The following SALL4 variants were observed in gnomAD, a reference collection of about 807,000 sequenced individuals.
SALL4 encodes the protein sal-like protein 4.
In SALL4, 4 loss-of-function variants were observed where a neutral mutation model predicts 60.8. That is an observed-to-expected ratio of 0.07 (90% CI 0.03 to 0.15). The LOEUF (loss-of-function observed/expected upper bound fraction) is 0.15, where lower values mean the gene tolerates loss of function less well. Among genes scored for constraint, SALL4 ranks in the 10% least tolerant of loss-of-function variants. SALL4 has a pLI of 1.00. For synonymous variants in SALL4, 580 were observed against 574.9 expected (o/e 1.01, Z -0.13); for missense variants, 1,178 against 1,394.7 (o/e 0.84, Z 2.48).
Position 51,791,253 on chromosome 20 carries a change from G to T in SALL4, c.1230C>A (p.Phe410Leu). 6.2e-7 allele frequency: 1 copy of T among 1,614,128 alleles called. No homozygotes were observed. The highest frequency in any genetic ancestry group is 8.5e-7 in the Non-Finnish European group (1 of 1,180,028). Residue 410 changes from phenylalanine (F) to leucine (L), a missense_variant, in exon 2 of 4, where the codon TTC (phenylalanine) becomes TTA (leucine). Phe to Leu is a conservative substitution (Grantham distance 22). Around this residue, in one of 5 missense-constraint regions of SALL4, gnomAD observed 853 missense variants for 1,036.8 expected, o/e 0.82. Coordinates refer to ENST00000217086, the MANE Select transcript of SALL4 (RefSeq NM_020436.5). The surrounding 1 kb of genome is among the most constrained non-coding windows in gnomAD (Gnocchi z 4.6). ...AGCGATGACCACAGACAGAGCACAC[G>T]AAGGGTCTCTCTCCAGTGTGGGAGC... ...HLRSHTGERP[F>L]VCSVCGHRFT...
chr20:51,792,957 C>G (rs2078058488), intron 1 of SALL4: 1 of 992,756 alleles, frequency 1.0e-6, no homozygotes. Context: ...ACAGGCATAT[C>G]TCAGACCCAG....
intron 1 of SALL4, among the ~76,000 whole-genome samples, chr20:51,799,582 A>G (rs1045991527): frequency 2.6e-5 from 4 of 152,212 alleles, no homozygotes; most frequent in Admixed American, 1.3e-4. Context: ...TTCTCTCCCT[A>G]TGGGAAACCC....
At chr20:51,786,658 T>C (rs1468828473) in intron 3 of SALL4, among the ~76,000 whole-genome samples, 1 of 152,256 alleles carries the variant, frequency 6.6e-6, no homozygotes, top group Admixed American at 6.5e-5. Flanking sequence ...GTCAATATCT[T>C]GATTATGCTA....
chr20:51,783,876 C>T lies in SALL4; in HGVS notation c.*389G>A, dbSNP rs1481219350. On this transcript the variant is annotated 3_prime_UTR_variant, in exon 4 of 4. Coordinates refer to ENST00000217086, the MANE Select transcript of SALL4 (RefSeq NM_020436.5). ...TCTCTACTCAAAATACAAAATTAGCCGGGCGTGGTGGCACCTGCCTGTAAT... is the reference window on the plus strand; with the variant it reads ...TCTCTACTCAAAATACAAAATTAGCTGGGCGTGGTGGCACCTGCCTGTAAT... The T allele has an allele frequency of 2.6e-5, 7 of 264,734 alleles. No individual in the cohort carries two copies. Among genetic ancestry groups the T allele is most frequent in the Admixed American group, 5.1e-5 (1 of 19,784 alleles). 16.4% of individuals were successfully genotyped at this position (264,734 alleles called of 1,614,324 possible).
chr20:51,800,185 G>C (rs1213727172), intron 1 of SALL4, among the ~76,000 whole-genome samples: 3 of 152,084 alleles, frequency 2.0e-5, no homozygotes, highest in East Asian at 1.9e-4. Flanking sequence ...GCAGGCGACC[G>C]GCACGAATCC....
Position 51,788,888 on chromosome 20 carries a change from T to G in SALL4, c.2715A>C (p.Arg905=). ...EKPFVCNICG[R]AFTTKGNLKV... The stretch of plus-strand genomic sequence containing the variant: ...TTAAGTTGCCTTTGGTGGTAAAAGC[T>G]CGCCCACAAATGTTGCACACAAAAG... Residue 905 remains arginine (R), a synonymous_variant, in exon 3 of 4, where the codon CGA becomes CGC. Transcript: ENST00000217086. The surrounding 1 kb of genome is among the most constrained non-coding windows in gnomAD (Gnocchi z 4.1). 1.2e-6 allele frequency: 2 copies of G among 1,614,104 alleles called. No individual in the cohort carries two copies. Among genetic ancestry groups the G allele is most frequent in the Non-Finnish European group, 1.7e-6 (2 of 1,180,026 alleles).
rs1018423 is a variant in SALL4, at chr20:51,788,105, C to T, written c.2742+756G>A. Among the ~76,000 whole-genome samples, 151,794 of 152,218 alleles carry T rather than the reference C, an allele frequency of 1. 75,687 individuals are homozygous for T. The highest frequency in any genetic ancestry group is 1 in the Middle Eastern group (294 of 294). ...TCTCAAAGTACTCAGATTATGGGTG[C>T]TGAGCCACTGCACCCAGGTAGTATT... On this transcript the variant is annotated intron_variant, in intron 3 of 3. Transcript: ENST00000217086. This position sits in a 1 kb window ranked among gnomAD's most constrained non-coding sequence, Gnocchi z 4.1.
At position 51,784,530 on chromosome 20, in the gene SALL4, G is replaced by C; in HGVS notation, c.2897C>G (p.Pro966Arg). The C allele has an allele frequency of 6.2e-7, 1 of 1,614,142 alleles. No homozygotes were observed. Among genetic ancestry groups the C allele is most frequent in the Non-Finnish European group, 8.5e-7 (1 of 1,180,022 alleles). Residue 966 changes from proline to arginine, a missense_variant, in exon 4 of 4, where the codon CCT (proline) becomes CGT (arginine). Around this residue, in one of 5 missense-constraint regions of SALL4, gnomAD observed 174 missense variants for 169.6 expected, o/e 1.03. Coordinates refer to ENST00000217086, the MANE Select transcript of SALL4 (RefSeq NM_020436.5). ...GCTGGTGTACTGGTTCCACACAACA[G>C]GGTCCACATTCACTGAAGGGGCCAG... ...EILAPSVNVD[P>R]VVWNQYTSML...
intron 1 of SALL4, among the ~76,000 whole-genome samples, chr20:51,794,094 G>A (rs140084100): frequency 1.3e-5 from 2 of 152,346 alleles, no homozygotes; most frequent in East Asian, 3.9e-4. Flanking sequence ...GATTCAACCA[G>A]GACTGCTGAG....
chr20:51,798,815 C>T (rs991577538), intron 1 of SALL4, among the ~76,000 whole-genome samples: 1 of 151,934 alleles, frequency 6.6e-6, no homozygotes, highest in Non-Finnish European at 1.5e-5. Context: ...ACATCACCAA[C>T]TGACCTAAGG....
At position 51,784,138 on chromosome 20, in the gene SALL4, CAACGTAGTA is replaced by C; in HGVS notation, c.*118_*126del. 1 of 1,141,028 alleles carries C rather than the reference CAACGTAGTA, an allele frequency of 8.8e-7. No individual in the cohort carries two copies. Among genetic ancestry groups the C allele is most frequent in the Non-Finnish European group, 1.3e-6 (1 of 775,322 alleles). 70.7% of individuals were successfully genotyped at this position (1,141,028 alleles called of 1,614,324 possible). On this transcript the variant is annotated 3_prime_UTR_variant, in exon 4 of 4. Transcript: ENST00000217086. ...ACTTGCCTGAGGTTGTGGTCACAAC[CAACGTAGTA>C]AACATCATTTGCATATCAGTAAGAA... is the stretch of plus-strand genomic sequence containing the variant.
At chr20:51,797,975 C>A (rs573539207) in intron 1 of SALL4, among the ~76,000 whole-genome samples, 1 of 152,066 alleles carries the variant, frequency 6.6e-6, no homozygotes, top group African/African-American at 2.4e-5. Flanking sequence ...ATTTAAAGAA[C>A]GACAATGAGT....
At chr20:51,795,521 CAAGACTGGAAACCAG>C (rs1354710785) in intron 1 of SALL4, among the ~76,000 whole-genome samples, 1 of 152,200 alleles carries the variant, frequency 6.6e-6, no homozygotes, top group African/African-American at 2.4e-5. Flanking sequence ...TATGATTTTC[CAAGACTGGAAACCAG>C]CACTAGTGGG....
At position 51,791,866 on chromosome 20, in the gene SALL4, G is replaced by A; in HGVS notation, c.617C>T (p.Pro206Leu). 1 of 1,614,132 alleles carries A rather than the reference G, an allele frequency of 6.2e-7. No individual in the cohort carries two copies. The highest frequency in any genetic ancestry group is 8.5e-7 in the Non-Finnish European group (1 of 1,180,000). The change falls in exon 2 of 4, where the codon CCT becomes CTT. Residue 206 changes from proline to leucine, a missense_variant. Coordinates refer to ENST00000217086, the MANE Select transcript of SALL4 (RefSeq NM_020436.5). The surrounding 1 kb of genome is among the most constrained non-coding windows in gnomAD (Gnocchi z 4.6). ...GACCCACGGGATGCTGTTGGCACCA[G>A]GCACGGGGGCAGGGAGTGCATCCGC... ...RSADALPAPV[P>L]GANSIPWVLE...
At position 51,784,019 on chromosome 20, in the gene SALL4, CAAAA is replaced by C. The variant is rs60718711; in HGVS notation, c.*242_*245del. ...TGGGTGATAGAGCGAGACTCCATCT[CAAAA>C]AAAAAGAGTCTGTATTTGTTTTGGT... On this transcript the variant is annotated 3_prime_UTR_variant, in exon 4 of 4. Transcript: ENST00000217086. 1 of 484,008 alleles carries C rather than the reference CAAAA, an allele frequency of 2.1e-6. No homozygotes were observed. The highest frequency in any genetic ancestry group is 3.7e-6 in the Non-Finnish European group (1 of 268,948). 30.0% of individuals were successfully genotyped at this position (484,008 alleles called of 1,614,324 possible).
At chr20:51,796,590 G>A (rs2078081211) in intron 1 of SALL4, among the ~76,000 whole-genome samples, 1 of 152,158 alleles carries the variant, frequency 6.6e-6, no homozygotes, top group African/African-American at 2.4e-5. Context: ...TATCTTCATA[G>A]CCACATAATC....
rs61737139 is a variant in SALL4 at position 51,791,838 on chromosome 20, G to A, written c.645C>T (p.Leu215=). 4.1e-5 allele frequency: 66 copies of A among 1,614,020 alleles called. No homozygotes were observed. The Admixed American group carries it at 8.7e-4, about 21-fold the overall frequency. Reference sequence around the variant, plus strand: ...GCTGCTGCAGACACAAGATCTGCTCGAGGACCCACGGGATGCTGTTGGCAC... The same window carrying A: ...GCTGCTGCAGACACAAGATCTGCTCAAGGACCCACGGGATGCTGTTGGCAC... ...VPGANSIPWV[L]EQILCLQQQQ... Residue 215 remains leucine, a synonymous_variant, in exon 2 of 4, where the codon CTC becomes CTT. Transcript: ENST00000217086. This position sits in a 1 kb window ranked among gnomAD's most constrained non-coding sequence, Gnocchi z 4.6.
In SALL4 at chr20:51,790,392, G is replaced by A. The variant is rs1453912099; in HGVS notation, c.2091C>T (p.Ser697=). ...AGGAGCTGCTGGGAGCCTCCTGGGA[G>A]CTGACTTCCTCTACATCGATGCTTT... ...VIESIDVEEV[S]SQEAPSSSSK... Residue 697 remains serine (S), a synonymous_variant, in exon 2 of 4, where the codon AGC becomes AGT. Transcript: ENST00000217086. The surrounding 1 kb of genome is among the most constrained non-coding windows in gnomAD (Gnocchi z 5.5). 1.9e-6 allele frequency: 3 copies of A among 1,614,128 alleles called. No individual in the cohort carries two copies. The highest frequency in any genetic ancestry group is 1.7e-5 in the Admixed American group (1 of 60,024).
chr20:51,789,213 G>T, intron 2 of SALL4, 72 bp from the exon 3 acceptor site: 1 of 1,556,928 alleles, frequency 6.4e-7, no homozygotes, highest in South Asian at 1.2e-5. Context: ...AAGCAAAAGA[G>T]ATCTTTAAAA....
Sources: allele counts gnomAD v4.1 joint callset (sites outside exome capture counted in the v4.1 genomes callset), GRCh38; gene constraint gnomAD v4.1.1; regional missense constraint gnomAD v4.1.1; non-coding constraint Gnocchi (gnomAD v3.1); transcripts MANE v1.5; gene names NCBI Gene and HGNC (gene_info 2026-07-23, HGNC 2026-07-21).